The following PTPRD variants were observed in gnomAD, a reference collection of about 807,000 sequenced individuals.
PTPRD encodes protein tyrosine phosphatase receptor type D, also known as receptor-type tyrosine-protein phosphatase delta.
Under a neutral mutation model 214.5 loss-of-function variants are expected in PTPRD, and 34 were observed. That is an observed-to-expected ratio of 0.16 (90% CI 0.12 to 0.21). The LOEUF (loss-of-function observed/expected upper bound fraction) is 0.21, where lower values mean the gene tolerates loss of function less well. Among genes scored for constraint, PTPRD ranks in the 10% least tolerant of loss-of-function variants. The probability of loss-of-function intolerance (pLI) is 1.00; values close to 1 mark genes in which losing one functional copy is unlikely to be tolerated. For synonymous variants in PTPRD, 1,128 were observed against 845.7 expected (o/e 1.33, Z -5.79); for missense variants, 2,545 against 2,398.7 (o/e 1.06, Z -1.27).
intron 4 of PTPRD, among the ~76,000 whole-genome samples, chr9:9,989,162 T>A (rs933643391): frequency 6.6e-6 from 1 of 151,906 alleles, no homozygotes; most frequent in African/African-American, 2.4e-5. Flanking sequence ...CTTACATGTA[T>A]CAACATAGAA....
At chr9:10,431,951 C>G (rs1452345427) in intron 2 of PTPRD, among the ~76,000 whole-genome samples, 1 of 151,878 alleles carries the variant, frequency 6.6e-6, no homozygotes, top group Non-Finnish European at 1.5e-5. Flanking sequence ...ACCCAAAGGA[C>G]TATAAATCAT....
intron 9 of PTPRD, among the ~76,000 whole-genome samples, chr9:9,257,585 G>T (rs1350056091): frequency 6.6e-6 from 1 of 151,802 alleles, no homozygotes; most frequent in Non-Finnish European, 1.5e-5. Flanking sequence ...TGAGTCCAGG[G>T]GCTCAAGACC....
chr9:8,802,132 C>T (rs2096584190), intron 11 of PTPRD, among the ~76,000 whole-genome samples: 1 of 152,054 alleles, frequency 6.6e-6, no homozygotes, highest in Admixed American at 6.5e-5. Context: ...TTTTTCAGAG[C>T]CCTGGTCCTT....
intron 5 of PTPRD, among the ~76,000 whole-genome samples, chr9:9,788,696 A>AAAG (rs1402755002): frequency 6.6e-6 from 1 of 152,216 alleles, no homozygotes; most frequent in African/African-American, 2.4e-5. Context: ...GGAGAAGTAA[A>AAAG]AAGAAAAGCC....
At chr9:9,897,915 G>C (rs1032550639) in intron 5 of PTPRD, among the ~76,000 whole-genome samples, 2 of 151,808 alleles carry the variant, frequency 1.3e-5, no homozygotes, top group Non-Finnish European at 2.9e-5. Context: ...TGTTGCAACT[G>C]TTCACCTTTG....
chr9:9,341,516 G>C (rs143847253), intron 9 of PTPRD, among the ~76,000 whole-genome samples: 28 of 152,164 alleles, frequency 1.8e-4, no homozygotes, highest in Admixed American at 3.3e-4. Flanking sequence ...TGTCCTGCTG[G>C]TAATAGATGG....
At chr9:8,551,663 A>G (rs761010805) in intron 14 of PTPRD, among the ~76,000 whole-genome samples, 1 of 152,210 alleles carries the variant, frequency 6.6e-6, no homozygotes, top group Non-Finnish European at 1.5e-5. Flanking sequence ...CATGAAGGAG[A>G]ACCATTAATT....
intron 8 of PTPRD, among the ~76,000 whole-genome samples, chr9:9,430,098 G>C (rs1398997780): frequency 2.0e-5 from 3 of 152,182 alleles, no homozygotes; most frequent in East Asian, 1.9e-4. Context: ...CTTAGGAAAA[G>C]AGGAAGTCAA....
At chr9:9,293,128 TTGAGAG>T (rs903825461) in intron 9 of PTPRD, among the ~76,000 whole-genome samples, 3 of 151,542 alleles carry the variant, frequency 2.0e-5, no homozygotes, top group African/African-American at 7.3e-5. Context: ...CTTTACCTTC[TTGAGAG>T]TGAAATAACC....
At chr9:9,339,520 C>G (rs1397527630) in intron 9 of PTPRD, among the ~76,000 whole-genome samples, 1 of 152,112 alleles carries the variant, frequency 6.6e-6, no homozygotes, top group African/African-American at 2.4e-5. Flanking sequence ...ACGAATATCA[C>G]TGGGTCTGAT....
intron 7 of PTPRD, among the ~76,000 whole-genome samples, chr9:9,605,548 G>C (rs375384906): frequency 6.6e-6 from 1 of 151,986 alleles, no homozygotes; most frequent in African/African-American, 2.4e-5. Context: ...TATATGGTTT[G>C]CTAATGATTT....
At chr9:9,226,926 T>G (rs2099959856) in intron 9 of PTPRD, among the ~76,000 whole-genome samples, 1 of 152,212 alleles carries the variant, frequency 6.6e-6, no homozygotes, top group South Asian at 2.1e-4. Context: ...ATATCTAAAT[T>G]TTGTTTCCAA....
At chr9:10,240,937 T>C (rs2090903827) in intron 3 of PTPRD, among the ~76,000 whole-genome samples, 1 of 151,088 alleles carries the variant, frequency 6.6e-6, no homozygotes, top group African/African-American at 2.4e-5. Flanking sequence ...ATATACAAAT[T>C]AGGAGAAGGC....
At chr9:8,975,688 A>G (rs1008716680) in intron 11 of PTPRD, among the ~76,000 whole-genome samples, 12 of 151,854 alleles carry the variant, frequency 7.9e-5, no homozygotes, top group African/African-American at 2.7e-4. Context: ...TTTTGGATAA[A>G]TATGTAACTC....
At chr9:9,971,889 T>C (rs954668446) in intron 4 of PTPRD, among the ~76,000 whole-genome samples, 15 of 152,332 alleles carry the variant, frequency 9.8e-5, no homozygotes, top group African/African-American at 3.4e-4. Flanking sequence ...TTGTAAATAG[T>C]ATTTCATGAA....
At chr9:10,331,577 T>C (rs903336474) in intron 3 of PTPRD, among the ~76,000 whole-genome samples, 3 of 151,826 alleles carry the variant, frequency 2.0e-5, no homozygotes, top group African/African-American at 7.2e-5. Context: ...CAGAGTTGCA[T>C]CTGCTTTCCT....
chr9:9,859,452 G>A (rs1028227747), intron 5 of PTPRD, among the ~76,000 whole-genome samples: 1 of 152,022 alleles, frequency 6.6e-6, no homozygotes, highest in Non-Finnish European at 1.5e-5. Context: ...GGGTAAGGAC[G>A]GGCAGAAGAA....
chr9:9,060,032 T>C (rs185940017), intron 10 of PTPRD, among the ~76,000 whole-genome samples: 293 of 152,094 alleles, frequency 1.9e-3, no homozygotes, highest in Admixed American at 3.5e-3. Flanking sequence ...TGTTTGTTTG[T>C]ATGTATTGTT....
chr9:9,007,763 C>A (rs968586896), intron 11 of PTPRD, among the ~76,000 whole-genome samples: 1 of 148,772 alleles, frequency 6.7e-6, no homozygotes, highest in Non-Finnish European at 1.5e-5. Flanking sequence ...TTACACCCCC[C>A]AAAGGTTGCT....
Sources: gnomAD v4.1 joint callset for allele counts (sites outside exome capture counted in the v4.1 genomes callset) on GRCh38, gnomAD v4.1.1 for gene constraint, MANE v1.5 for transcripts, NCBI Gene and HGNC (gene_info 2026-07-23, HGNC 2026-07-21) for gene names.